Variants in COL23A1 observed in about 807,000 individuals in gnomAD.
COL23A1 encodes collagen type XXIII alpha 1 chain, also known as collagen alpha-1(XXIII) chain.
In COL23A1, 97 loss-of-function variants were observed where a neutral mutation model predicts 99.3. The observed-to-expected ratio is 0.98, with a 90% CI of 0.83 to 1.16. The LOEUF is 1.16. COL23A1 is among the 50% of genes most tolerant of loss of function. COL23A1 has a pLI of 0.00. For missense variants in COL23A1, 762 were observed against 757.4 expected, an observed-to-expected ratio of 1.01 and a Z score of -0.07; for synonymous variants, 320 against 308.2, an observed-to-expected ratio of 1.04 and a Z score of -0.40.
At chr5:178,247,925 C>T in intron 20 of COL23A1, 94 bp from the exon 21 acceptor site, 3 of 1,121,680 alleles carry the variant, frequency 2.7e-6, no homozygotes, top group Non-Finnish European at 3.8e-6. Context: ...TCGAGAGTCT[C>T]CTTCCTGCCC....
intron 2 of COL23A1, among the ~76,000 whole-genome samples, chr5:178,445,819 A>T (rs189064457): frequency 3.0e-4 from 46 of 151,712 alleles, no homozygotes; most frequent in African/African-American, 1.0e-3. Flanking sequence ...ATCAAAAAAT[A>T]AAAAAAAAGA....
chr5:178,278,089 C>T lies in COL23A1; in HGVS notation c.442-7726G>A, dbSNP rs1278590385. 3.3e-5 allele frequency among the ~76,000 whole-genome samples: 5 copies of T among 152,198 alleles called. No homozygotes were observed. The East Asian group carries it at 9.6e-4, about 29-fold the overall frequency. On this transcript the variant is annotated intron_variant, in intron 5 of 28. Coordinates refer to ENST00000390654, the MANE Select transcript of COL23A1 (RefSeq NM_173465.4). ...ATCCAGAGTAGGGAGCAGCAGCTGA[C>T]GGGAAGTGTGACCTTCACAGAAGGG...
chr5:178,404,265 A>G (rs1207908994), intron 2 of COL23A1, among the ~76,000 whole-genome samples: 2 of 152,216 alleles, frequency 1.3e-5, no homozygotes, highest in African/African-American at 4.8e-5. Flanking sequence ...CTCAATCGCA[A>G]TCACTGCCAC....
At chr5:178,399,803 C>T (rs1017537000) in intron 2 of COL23A1, among the ~76,000 whole-genome samples, 1 of 152,186 alleles carries the variant, frequency 6.6e-6, no homozygotes, top group Admixed American at 6.5e-5. Context: ...CCAGAGCGGC[C>T]AGGCTTCAGA....
intron 2 of COL23A1, among the ~76,000 whole-genome samples, chr5:178,547,525 T>A (rs1257459101): frequency 4.4e-4 from 12 of 27,002 alleles, no homozygotes; most frequent in South Asian, 2.7e-3. Context: ...ACCCACACAC[T>A]CACACCCACA....
rs1281445885 is a variant in COL23A1, at chr5:178,242,414, C to T, written c.1441-20G>A. The T allele has an allele frequency of 6.2e-7, 1 of 1,613,526 alleles. No individual in the cohort carries two copies. ...GAAACCCTGACAAAAGGATTAGATGCTAAACCCGAAAATGAGGCTGGAGGT... is the reference window on the plus strand; with the variant it reads ...GAAACCCTGACAAAAGGATTAGATGTTAAACCCGAAAATGAGGCTGGAGGT... On this transcript the variant is annotated intron_variant, in intron 25 of 28. Transcript: ENST00000390654.
At chr5:178,362,669 T>C (rs1028777582) in intron 2 of COL23A1, among the ~76,000 whole-genome samples, 1 of 152,116 alleles carries the variant, frequency 6.6e-6, no homozygotes, top group African/African-American at 2.4e-5. Context: ...GTCTCCGCCA[T>C]GGGACTTCTG....
intron 2 of COL23A1, among the ~76,000 whole-genome samples, chr5:178,333,430 T>C (rs1760147452): frequency 6.6e-6 from 1 of 152,012 alleles, no homozygotes; most frequent in African/African-American, 2.4e-5. Context: ...TCCCTCACCA[T>C]CCCTGCATGC....
intron 5 of COL23A1, among the ~76,000 whole-genome samples, chr5:178,283,086 G>A (rs1258522576): frequency 2.0e-5 from 3 of 152,110 alleles, no homozygotes; most frequent in Admixed American, 6.5e-5. Flanking sequence ...GGGTTTCACC[G>A]TATTGGCCAG....
chr5:178,493,912 C>T (rs909132723), intron 2 of COL23A1, among the ~76,000 whole-genome samples: 1 of 152,230 alleles, frequency 6.6e-6, no homozygotes. Flanking sequence ...AAGTCACTGC[C>T]AATCCAAAAC....
intron 2 of COL23A1, among the ~76,000 whole-genome samples, chr5:178,557,157 C>A (rs183343270): frequency 6.6e-6 from 1 of 152,230 alleles, no homozygotes; most frequent in East Asian, 1.9e-4. Flanking sequence ...TCTTGGCTGG[C>A]ACACGCAGCA....
rs554070404 is a variant in COL23A1, at chr5:178,249,407, G to A, written c.1060-201C>T. On this transcript the variant is annotated intron_variant, in intron 18 of 28. Coordinates refer to ENST00000390654, the MANE Select transcript of COL23A1 (RefSeq NM_173465.4). ...ACGCCACTCCTGGCTCATTGCATCC[G>A]GGTGTGGGCACCGCAGGGCAGGGGC... Among the ~76,000 whole-genome samples the A allele has an allele frequency of 1.3e-4, 20 of 152,302 alleles. No homozygotes were observed. In the Middle Eastern group the frequency reaches 0.01, roughly 78 times the overall value.
At chr5:178,249,298 GC>G in intron 18 of COL23A1, 92 bp from the exon 19 acceptor site, 1 of 1,256,682 alleles carries the variant, frequency 8.0e-7, no homozygotes, top group Non-Finnish European at 1.2e-6. Context: ...TCATGCTAGG[GC>G]CCCACTTTCT....
At chr5:178,443,134 C>G (rs73803101) in intron 2 of COL23A1, 2 of 152,324 alleles carry the variant, frequency 1.3e-5, no homozygotes, top group South Asian at 4.1e-4. Context: ...GTCCTCACCC[C>G]ACCCACCTAC....
At chr5:178,286,055 GAAT>G (rs148198965) in intron 5 of COL23A1, among the ~76,000 whole-genome samples, 17 of 152,302 alleles carry the variant, frequency 1.1e-4, no homozygotes, top group Non-Finnish European at 2.2e-4. Flanking sequence ...TGAACGCCCT[GAAT>G]CCAGCCCACC....
chr5:178,252,581 TG>T lies in COL23A1; in HGVS notation c.976del (p.Gln326ArgfsTer83). ...LDALKGPPGP[Q>X]GPPGPPGIPG... Reference sequence around the variant, plus strand: ...GATCCCTGGTGGCCCTGGGGGCCCCTGTGGTCCGGGAGGCCCCTGTGTGTGA... The same window carrying T: ...GATCCCTGGTGGCCCTGGGGGCCCCTTGGTCCGGGAGGCCCCTGTGTGTGA... On this transcript the variant is annotated frameshift_variant, in exon 17 of 29. Transcript: ENST00000390654. LOFTEE classifies it high-confidence loss of function. The T allele has an allele frequency of 6.2e-7, 1 of 1,610,964 alleles. No homozygotes were observed. Among genetic ancestry groups the T allele is most frequent in the Non-Finnish European group, 8.5e-7 (1 of 1,178,756 alleles).
rs1482052676 is a variant in COL23A1 at position 178,468,908 on chromosome 5, A to G, written c.361+91774T>C. On this transcript the variant is annotated intron_variant, in intron 2 of 28. Coordinates refer to ENST00000390654, the MANE Select transcript of COL23A1 (RefSeq NM_173465.4). This position sits in a 1 kb window ranked among gnomAD's most constrained non-coding sequence, Gnocchi z 4.2. ...GAAACTCTGCACCCATTAAACACCA[A>G]CTCCCCACTCCCCCCAGCCTGTGGC... Among the ~76,000 whole-genome samples the G allele has an allele frequency of 1.3e-5, 2 of 150,636 alleles. No homozygotes were observed. The highest frequency in any genetic ancestry group is 3.0e-5 in the Non-Finnish European group (2 of 67,640).
rs1157994714 is a variant in COL23A1 at position 178,468,664 on chromosome 5, C to T, written c.361+92018G>A. ...GCCGGGTCCGAGGTCACGGAGCCTGCAGCTCTCCTCAACTGTGTTCTGGGG... is the reference window on the plus strand; with the variant it reads ...GCCGGGTCCGAGGTCACGGAGCCTGTAGCTCTCCTCAACTGTGTTCTGGGG... On this transcript the variant is annotated intron_variant, in intron 2 of 28. Transcript: ENST00000390654. This position sits in a 1 kb window ranked among gnomAD's most constrained non-coding sequence, Gnocchi z 4.2. 6.6e-6 allele frequency among the ~76,000 whole-genome samples: 1 copy of T among 152,178 alleles called. No individual in the cohort carries two copies. The highest frequency in any genetic ancestry group is 6.5e-5 in the Admixed American group (1 of 15,276).
chr5:178,476,267 G>T (rs1443411778), intron 2 of COL23A1, among the ~76,000 whole-genome samples: 2 of 152,160 alleles, frequency 1.3e-5, no homozygotes. Context: ...TCTCCCTGGA[G>T]CACATACCCC....
Sources: gnomAD v4.1 joint callset for allele counts (sites outside exome capture counted in the v4.1 genomes callset) on GRCh38, gnomAD v4.1.1 for gene constraint, Gnocchi (gnomAD v3.1) non-coding constraint, MANE v1.5 for transcripts, NCBI Gene and HGNC (gene_info 2026-07-23, HGNC 2026-07-21) for gene names.